The following CUL5 variants were observed in gnomAD, a reference collection of about 807,000 sequenced individuals.
The protein encoded by CUL5 is cullin 5.
A neutral mutation model predicts 108.8 loss-of-function variants in CUL5; 26 were observed. The observed-to-expected ratio is 0.24, with a 90% CI of 0.18 to 0.33. The LOEUF is 0.33. CUL5 is among the 10% of genes least tolerant of loss of function. The probability of loss-of-function intolerance (pLI) is 1.00; values close to 1 mark genes in which losing one functional copy is unlikely to be tolerated. For missense variants in CUL5, 524 were observed against 909.2 expected, an observed-to-expected ratio of 0.58 and a Z score of 5.45; for synonymous variants, 334 against 298.0, an observed-to-expected ratio of 1.12 and a Z score of -1.25.
At chr11:108,088,684 CT>C in intron 12 of CUL5, 25 bp downstream of exon 12, 1 of 1,546,014 alleles carries the variant, frequency 6.5e-7, no homozygotes, top group Non-Finnish European at 8.7e-7. Context: ...TGTATTTCAA[CT>C]TTTAAAATTA....
At chr11:108,038,179 A>G (rs1289692850) in intron 2 of CUL5, among the ~76,000 whole-genome samples, 2 of 152,100 alleles carry the variant, frequency 1.3e-5, no homozygotes, top group Non-Finnish European at 2.9e-5. Context: ...CAATTAAACT[A>G]TTTTATGAAT....
At chr11:108,047,381 T>A (rs11822609) in intron 3 of CUL5, among the ~76,000 whole-genome samples, 20,167 of 152,200 alleles carry the variant, frequency 0.13, 1,427 homozygotes, top group African/African-American at 0.18. Flanking sequence ...AATTTCTTAT[T>A]TTTTAGTTGG....
rs1206084689 is a variant in CUL5 at position 108,106,798 on chromosome 11, C to A, written c.*2414C>A. On this transcript the variant is annotated 3_prime_UTR_variant, in exon 19 of 19. Coordinates refer to ENST00000393094, the MANE Select transcript of CUL5 (RefSeq NM_003478.6). ...AAATTGGTGCCGAGCAGGGATATAA[C>A]CTGCAGTTAAGTGAAAAGAAAATCC... 1.3e-5 allele frequency: 2 copies of A among 148,328 alleles called. No homozygotes were observed. Among genetic ancestry groups the A allele is most frequent in the Admixed American group, 6.9e-5 (1 of 14,566 alleles). 9.2% of individuals were successfully genotyped at this position (148,328 alleles called of 1,614,324 possible).
intron 7 of CUL5, among the ~76,000 whole-genome samples, chr11:108,061,615 C>T (rs536605086): frequency 2.6e-5 from 4 of 152,134 alleles, no homozygotes; most frequent in Non-Finnish European, 5.9e-5. Context: ...GTTTTCCTTT[C>T]TTTTCCATTC....
chr11:108,051,273 T>C (rs1329804013), intron 4 of CUL5, among the ~76,000 whole-genome samples: 1 of 152,194 alleles, frequency 6.6e-6, no homozygotes, highest in Non-Finnish European at 1.5e-5. Context: ...TCTTGTCCTC[T>C]TTTTTTGGCC....
At chr11:108,014,070 A>G (rs992660090) in intron 1 of CUL5, among the ~76,000 whole-genome samples, 1 of 152,212 alleles carries the variant, frequency 6.6e-6, no homozygotes, top group African/African-American at 2.4e-5. Context: ...TGATAAGGCA[A>G]AAGTTTCAGA....
intron 13 of CUL5, among the ~76,000 whole-genome samples, chr11:108,092,761 G>T (rs1423375747): frequency 6.6e-6 from 1 of 152,068 alleles, no homozygotes; most frequent in Non-Finnish European, 1.5e-5. Flanking sequence ...GGTGATGGTT[G>T]CACAGTTCTG....
intron 1 of CUL5, among the ~76,000 whole-genome samples, chr11:108,032,462 C>T (rs1018153761): frequency 3.3e-5 from 5 of 152,126 alleles, no homozygotes; most frequent in African/African-American, 7.2e-5. Context: ...TAGCTATGAT[C>T]ACTCCACTGC....
intron 1 of CUL5, among the ~76,000 whole-genome samples, chr11:108,031,065 A>G (rs1565236997): frequency 6.6e-6 from 1 of 152,174 alleles, no homozygotes; most frequent in South Asian, 2.1e-4. Context: ...ACAGATTTGT[A>G]TAACTGAAAA....
chr11:108,097,917 G>A (rs1481775749), intron 17 of CUL5, among the ~76,000 whole-genome samples, 163 bp downstream of exon 17: 1 of 152,166 alleles, frequency 6.6e-6, no homozygotes, highest in African/African-American at 2.4e-5. Context: ...TTAATCAGAT[G>A]TTTACTTTTC....
chr11:108,032,503 G>A (rs149771708), intron 1 of CUL5, among the ~76,000 whole-genome samples: 34 of 152,186 alleles, frequency 2.2e-4, no homozygotes, highest in African/African-American at 7.7e-4. Flanking sequence ...GCAAGACCCT[G>A]TCTTAAAAAC....
chr11:108,087,653 A>G (rs576719573), intron 11 of CUL5, among the ~76,000 whole-genome samples: 61 of 152,276 alleles, frequency 4.0e-4, no homozygotes, highest in South Asian at 3.3e-3. Context: ...TAAAAAAACA[A>G]TATGCTCTGT....
chr11:108,009,161 G>C lies in CUL5; in HGVS notation c.-188G>C, dbSNP rs10736442. ...GAAGCTCCGGTGACCATGTAGGGGA[G>C]AAGAGTGAGGAAGCTCCTGGTGCTT... On this transcript the variant is annotated 5_prime_UTR_variant, in exon 1 of 19. Coordinates refer to ENST00000393094, the MANE Select transcript of CUL5 (RefSeq NM_003478.6). The C allele has an allele frequency of 1, 634,740 of 634,776 alleles. 317,352 individuals are homozygous for C. The highest frequency in any genetic ancestry group is 1 in the Middle Eastern group (2,308 of 2,308). The allele number at this position is 634,776 out of a possible 1,614,324, so 39.3% of individuals were successfully genotyped here. A position where few individuals can be genotyped will look rare whatever the true frequency, so the allele number is the denominator to read the frequency against.
chr11:108,091,380 T>C (rs370976806), intron 13 of CUL5, among the ~76,000 whole-genome samples: 5 of 149,612 alleles, frequency 3.3e-5, no homozygotes, highest in African/African-American at 4.9e-5. Context: ...AAAAAAAATA[T>C]CAAGACCCAA....
chr11:108,049,744 T>A (rs1863163164), intron 3 of CUL5, 146 bp from the exon 4 acceptor site: 1 of 644,248 alleles, frequency 1.6e-6, no homozygotes, highest in South Asian at 2.1e-5. Context: ...ACAAGTTTTT[T>A]TGTGAACATG....
chr11:108,104,161 TGC>T, intron 18 of CUL5, 27 bp from the exon 19 acceptor site: 1 of 1,426,872 alleles, frequency 7.0e-7, no homozygotes, highest in Admixed American at 2.3e-5. Context: ...CGTATATTAA[TGC>T]GCTTTTATTT....
At position 108,107,393 on chromosome 11, in the gene CUL5, T is replaced by A. The variant is rs1864828143; in HGVS notation, c.*3009T>A. On this transcript the variant is annotated 3_prime_UTR_variant, in exon 19 of 19. Coordinates refer to ENST00000393094, the MANE Select transcript of CUL5 (RefSeq NM_003478.6). Reference sequence around the variant, plus strand: ...GATTTGCTAGTTTTACAGAAAGATTTGCTATCTTAAACTCAAGCTGGTTTT... The same window carrying A: ...GATTTGCTAGTTTTACAGAAAGATTAGCTATCTTAAACTCAAGCTGGTTTT... 1 of 152,662 alleles carries A rather than the reference T, an allele frequency of 6.6e-6. No homozygotes were observed. The highest frequency in any genetic ancestry group is 1.9e-4 in the East Asian group (1 of 5,204). 9.5% of individuals were successfully genotyped at this position (152,662 alleles called of 1,614,324 possible). A position where few individuals can be genotyped will look rare whatever the true frequency, so the allele number is the denominator to read the frequency against.
At chr11:108,015,937 G>C (rs1192782984) in intron 1 of CUL5, among the ~76,000 whole-genome samples, 1 of 151,950 alleles carries the variant, frequency 6.6e-6, no homozygotes, top group Non-Finnish European at 1.5e-5. Context: ...GTTTTTGTTT[G>C]TTTTGAGAGG....
chr11:108,096,961 C>T (rs563167744), intron 16 of CUL5, among the ~76,000 whole-genome samples: 1 of 152,222 alleles, frequency 6.6e-6, no homozygotes, highest in South Asian at 2.1e-4. Context: ...GTAGATTGTA[C>T]TCATTAGCCC....
Sources: gnomAD v4.1 joint callset for allele counts (sites outside exome capture counted in the v4.1 genomes callset) on GRCh38, gnomAD v4.1.1 for gene constraint, MANE v1.5 for transcripts, NCBI Gene and HGNC (gene_info 2026-07-23, HGNC 2026-07-21) for gene names.